Variants in L3MBTL4 observed in about 807,000 individuals in gnomAD.
L3MBTL4 encodes the protein L3MBTL histone methyl-lysine binding protein 4.
L3MBTL4 carries 70 observed loss-of-function variants against 84.5 expected under a neutral mutation model. The observed-to-expected ratio is 0.83, with a 90% CI of 0.68 to 1.01. The LOEUF is 1.01. Among genes scored for constraint, L3MBTL4 ranks in the 50% least tolerant of loss-of-function variants. The pLI, the probability that L3MBTL4 is intolerant of heterozygous loss-of-function variation, is 0.00. For missense variants in L3MBTL4, 715 were observed against 754.8 expected, an observed-to-expected ratio of 0.95 and a Z score of 0.62; for synonymous variants, 274 against 259.8, an observed-to-expected ratio of 1.05 and a Z score of -0.52.
chr18:6,374,712 C>A (rs1003764696), intron 1 of L3MBTL4, among the ~76,000 whole-genome samples: 1 of 152,102 alleles, frequency 6.6e-6, no homozygotes, highest in Non-Finnish European at 1.5e-5. Flanking sequence ...AGTGAAAACA[C>A]GATAGAACCA....
At chr18:6,295,446 T>C (rs2050068917) in intron 4 of L3MBTL4, among the ~76,000 whole-genome samples, 1 of 150,836 alleles carries the variant, frequency 6.6e-6, no homozygotes, top group South Asian at 2.1e-4. Context: ...CTATTACTGA[T>C]TGACTCCAGG....
At chr18:6,280,890 C>A (rs894238734) in intron 4 of L3MBTL4, among the ~76,000 whole-genome samples, 1 of 152,098 alleles carries the variant, frequency 6.6e-6, no homozygotes, top group Non-Finnish European at 1.5e-5. Flanking sequence ...GAAACAGATC[C>A]TCCCCTTGAG....
chr18:6,413,851 G>A (rs529599653), intron 1 of L3MBTL4: 10 of 152,398 alleles, frequency 6.6e-5, no homozygotes, highest in Non-Finnish European at 1.3e-4. Context: ...GTTCCACCTC[G>A]GGGCATTGGC....
At chr18:6,067,535 G>A (rs1033655789) in intron 16 of L3MBTL4, among the ~76,000 whole-genome samples, 11 of 151,936 alleles carry the variant, frequency 7.2e-5, no homozygotes, top group African/African-American at 2.7e-4. Flanking sequence ...GTTAATTCTA[G>A]AGCCTGATCT....
At position 6,312,489 on chromosome 18, in the gene L3MBTL4, A is replaced by G. The variant is rs576739485; in HGVS notation, c.-90-433T>C. Among the ~76,000 whole-genome samples the G allele has an allele frequency of 8.0e-4, 122 of 152,102 alleles. 1 individual carries two copies. The highest frequency in any genetic ancestry group is 1.5e-3 in the Non-Finnish European group (104 of 67,992). On this transcript the variant is annotated intron_variant, in intron 1 of 18. Coordinates refer to ENST00000317931, the MANE Select transcript of L3MBTL4 (RefSeq NM_001330559.2). ...TCTTTGCACTGATAACTGGCCACCC[A>G]TTTGCCCAGAGCTTCCTCTTACAGT...
intron 14 of L3MBTL4, among the ~76,000 whole-genome samples, chr18:6,104,992 C>T (rs934513572): frequency 6.6e-6 from 1 of 152,064 alleles, no homozygotes; most frequent in Non-Finnish European, 1.5e-5. Flanking sequence ...TCTTTAAAAA[C>T]AGCTGTTTTA....
At chr18:6,296,867 G>C (rs2050128713) in intron 4 of L3MBTL4, among the ~76,000 whole-genome samples, 1 of 152,184 alleles carries the variant, frequency 6.6e-6, no homozygotes, top group Non-Finnish European at 1.5e-5. Flanking sequence ...CACTGGGTTG[G>C]AGTCACAGGT....
At chr18:6,310,897 A>G (rs974776003) in intron 3 of L3MBTL4, among the ~76,000 whole-genome samples, 1 of 152,214 alleles carries the variant, frequency 6.6e-6, no homozygotes, top group Admixed American at 6.5e-5. Context: ...CGATCAAAGT[A>G]GATCACTCTG....
intron 1 of L3MBTL4, among the ~76,000 whole-genome samples, chr18:6,354,975 T>TGCAAAAAAAAAAA (rs2053369558): frequency 1.3e-5 from 2 of 152,292 alleles, no homozygotes; most frequent in South Asian, 4.1e-4. Flanking sequence ...AAAGAGATTT[T>TGCAAAAAAAAAAA]TGCACTCCCA....
At chr18:5,978,673 C>T (rs1466394600) in intron 16 of L3MBTL4, among the ~76,000 whole-genome samples, 1 of 152,232 alleles carries the variant, frequency 6.6e-6, no homozygotes, top group African/African-American at 2.4e-5. Context: ...AAAGGCCCTA[C>T]TCCCTTATAC....
intron 12 of L3MBTL4, among the ~76,000 whole-genome samples, chr18:6,193,223 G>A (rs1469665256): frequency 6.6e-6 from 1 of 152,032 alleles, no homozygotes; most frequent in Non-Finnish European, 1.5e-5. Flanking sequence ...GCCTGCATGT[G>A]TACTAAAACC....
intron 12 of L3MBTL4, among the ~76,000 whole-genome samples, chr18:6,196,750 T>G (rs1224881464): frequency 6.6e-6 from 1 of 152,128 alleles, no homozygotes; most frequent in Non-Finnish European, 1.5e-5. Flanking sequence ...ATCTCAGTAA[T>G]AAGCCTAAGG....
intron 1 of L3MBTL4, among the ~76,000 whole-genome samples, chr18:6,344,816 T>C (rs947009850): frequency 4.0e-5 from 6 of 148,250 alleles, no homozygotes; most frequent in African/African-American, 1.5e-4. Flanking sequence ...AAAAGCATTT[T>C]TCATGATTAA....
At chr18:5,958,902 C>T (rs2027686) in intron 18 of L3MBTL4, among the ~76,000 whole-genome samples, 56,206 of 152,026 alleles carry the variant, frequency 0.37, 10,677 homozygotes, top group East Asian at 0.49. Context: ...TCCCTCTTAC[C>T]CTACGTGGAC....
chr18:6,244,573 C>T lies in L3MBTL4; in HGVS notation c.235G>A (p.Glu79Lys). The change falls in exon 6 of 19, where the codon GAG becomes AAG. Residue 79 changes from glutamate (E) to lysine (K), a missense_variant. Physicochemically the swap from Glu to Lys is moderately conservative, Grantham distance 56. Coordinates refer to ENST00000317931, the MANE Select transcript of L3MBTL4 (RefSeq NM_001330559.2). ...ELFSKDQSFP[E>K]HENGFQIGMR... ...CCAATCTGAAAACCATTTTCATGCT[C>T]TGGAAAGGACTGATCCTACAAAATT... 2 of 1,611,320 alleles carry T rather than the reference C, an allele frequency of 1.2e-6. No individual in the cohort carries two copies. Among genetic ancestry groups the T allele is most frequent in the South Asian group, 1.1e-5 (1 of 90,990 alleles).
intron 16 of L3MBTL4, among the ~76,000 whole-genome samples, chr18:5,994,866 C>T (rs2053877671): frequency 6.6e-6 from 1 of 152,206 alleles, no homozygotes. Context: ...CACATAAAAA[C>T]CATAATCTTG....
intron 16 of L3MBTL4, 142 bp downstream of exon 16, chr18:6,080,739 T>C (rs1354837049): frequency 5.0e-6 from 3 of 596,736 alleles, no homozygotes; most frequent in African/African-American, 1.9e-5. Context: ...GGGCGGGAAC[T>C]AGAACACAAG....
At chr18:6,173,035 T>C (rs892875536) in intron 12 of L3MBTL4, among the ~76,000 whole-genome samples, 7 of 152,220 alleles carry the variant, frequency 4.6e-5, no homozygotes, top group East Asian at 1.9e-4. Flanking sequence ...TGCAAATTCT[T>C]GGCTCCACCT....
chr18:6,197,997 C>A (rs192645773), intron 12 of L3MBTL4, among the ~76,000 whole-genome samples: 2 of 152,190 alleles, frequency 1.3e-5, no homozygotes, highest in Non-Finnish European at 2.9e-5. Flanking sequence ...ACTTTCAGTG[C>A]GTCTTAATTC....
Sources: allele counts gnomAD v4.1 joint callset (sites outside exome capture counted in the v4.1 genomes callset), GRCh38; gene constraint gnomAD v4.1.1; transcripts MANE v1.5; gene names NCBI Gene and HGNC (gene_info 2026-07-23, HGNC 2026-07-21).